CFAP161: variants seen among roughly 807,000 people sequenced by gnomAD.
CFAP161 encodes cilia and flagella associated protein 161, also known as cilia- and flagella-associated protein 161.
In CFAP161, 25 loss-of-function variants were observed where a neutral mutation model predicts 29.0. The observed-to-expected ratio is 0.86, with a 90% CI of 0.63 to 1.20. The LOEUF is 1.20. CFAP161 is among the 50% of genes most tolerant of loss of function. The pLI is 0.00. For missense variants in CFAP161, 367 were observed against 371.9 expected (o/e 0.99, Z 0.11); for synonymous variants, 116 against 137.4 (o/e 0.84, Z 1.09).
chr15:81,148,316 A>G, intron 6 of CFAP161, 22 bp from the exon 7 acceptor site: 1 of 1,593,954 alleles, frequency 6.3e-7, no homozygotes, highest in Non-Finnish European at 8.6e-7. Context: ...TTCAAACCAC[A>G]ACTGATTCTC....
At chr15:81,146,972 T>G (rs1402130504) in intron 5 of CFAP161, among the ~76,000 whole-genome samples, 1 of 149,542 alleles carries the variant, frequency 6.7e-6, no homozygotes, top group African/African-American at 2.4e-5. Context: ...TGTGGAATGT[T>G]ACCCTGACAA....
chr15:81,142,251 C>T (rs989617208), intron 4 of CFAP161, among the ~76,000 whole-genome samples: 77 of 151,938 alleles, frequency 5.1e-4, no homozygotes, highest in African/African-American at 1.8e-3. Flanking sequence ...AGACAGGGTG[C>T]TGCCAGGTTG....
At chr15:81,145,072 C>T (rs1567160697) in intron 5 of CFAP161, among the ~76,000 whole-genome samples, 1 of 152,102 alleles carries the variant, frequency 6.6e-6, no homozygotes, top group Non-Finnish European at 1.5e-5. Flanking sequence ...TGTTGGTAGC[C>T]ACTGCGTTGA....
intron 1 of CFAP161, among the ~76,000 whole-genome samples, chr15:81,110,980 C>T (rs780901490): frequency 6.6e-6 from 1 of 152,200 alleles, no homozygotes; most frequent in Non-Finnish European, 1.5e-5. Context: ...AGACATCACT[C>T]TATGTTCTTT....
intron 1 of CFAP161, among the ~76,000 whole-genome samples, chr15:81,122,467 A>C (rs1399092801): frequency 6.7e-6 from 1 of 149,616 alleles, no homozygotes; most frequent in African/African-American, 2.5e-5. Context: ...ATGATCAGTG[A>C]TGTTGATTTT....
At chr15:81,130,698 T>TCAAAAA (rs758005225), upstream of CFAP161, among the ~76,000 whole-genome samples, 60 of 152,268 alleles carry the variant, frequency 3.9e-4, no homozygotes, top group African/African-American at 1.3e-3. Flanking sequence ...AGACTCCATC[T>TCAAAAA]CAAAAACAAA....
Position 81,136,556 on chromosome 15 carries a change from G to C in CFAP161, c.200G>C (p.Gly67Ala). Residue 67 changes from glycine (G) to alanine (A), a missense_variant, in exon 3 of 7, where the codon GGT becomes GCT. Transcript: ENST00000286732. ...SVTEDGYIHY[G>A]DKVMLVNPDD... is the part of the protein sequence containing the mutation. ...ACTGAAGATGGCTATATTCATTACG[G>C]TGACAAAGTGATGCTTGTGAATCCT... 6.2e-7 allele frequency: 1 copy of C among 1,614,196 alleles called. No individual in the cohort carries two copies. Among genetic ancestry groups the C allele is most frequent in the East Asian group, 2.2e-5 (1 of 44,888 alleles).
At chr15:81,146,831 A>AATAT (rs3086710) in intron 5 of CFAP161, among the ~76,000 whole-genome samples, 1,332 of 69,890 alleles carry the variant, frequency 0.019, 51 homozygotes, top group Non-Finnish European at 0.033. Flanking sequence ...GATAGCTACA[A>AATAT]ATATATATAT....
At chr15:81,139,509 T>C in intron 4 of CFAP161, among the ~76,000 whole-genome samples, 1 of 152,286 alleles carries the variant, frequency 6.6e-6, no homozygotes, top group African/African-American at 2.4e-5. Context: ...TAGATAAATA[T>C]ACAGATAGGT....
chr15:81,119,129 T>TA (rs1367060396), intron 1 of CFAP161, among the ~76,000 whole-genome samples: 1 of 152,204 alleles, frequency 6.6e-6, no homozygotes. Flanking sequence ...TATCTGTTGT[T>TA]AGAGTGTTTT....
intron 5 of CFAP161, among the ~76,000 whole-genome samples, chr15:81,146,834 A>G (rs1302495570): frequency 8.0e-5 from 1 of 12,488 alleles, no homozygotes; most frequent in Non-Finnish European, 1.2e-4. Context: ...AGCTACAAAT[A>G]TATATATATA....
chr15:81,111,987 C>A (rs755254190), intron 1 of CFAP161, among the ~76,000 whole-genome samples: 3 of 152,190 alleles, frequency 2.0e-5, no homozygotes, highest in Admixed American at 6.5e-5. Flanking sequence ...GATCTGCAAT[C>A]AAGAAACCTA....
In CFAP161 at chr15:81,105,092, C is replaced by CCCTT. The variant is rs1555448579; in HGVS notation, c.-141-22495_-141-22494insTCCT. Among the ~76,000 whole-genome samples, 13 of 53,526 alleles carry CCCTT rather than the reference C, an allele frequency of 2.4e-4. No individual in the cohort carries two copies. The East Asian group carries it at 7.1e-3, about 29-fold the overall frequency. The allele number at this position is 53,526 out of a possible 152,430, so 35.1% of individuals were successfully genotyped here. ...CAATTTTTTGTCTTTCTTTTCTTTT[C>CCCTT]CCTCCCTCCCTCCCTTCCTTTCTCC... On this transcript the variant is annotated intron_variant, in intron 1 of 4. Coordinates refer to the CFAP161 transcript ENST00000560091.
At chr15:81,123,548 A>T (rs1336950424) in intron 1 of CFAP161, among the ~76,000 whole-genome samples, 3 of 152,162 alleles carry the variant, frequency 2.0e-5, no homozygotes, top group African/African-American at 7.2e-5. Flanking sequence ...TATGAATTTT[A>T]AAATAGTTTT....
intron 5 of CFAP161, among the ~76,000 whole-genome samples, chr15:81,147,363 T>G (rs1278794133): frequency 6.6e-6 from 1 of 152,154 alleles, no homozygotes; most frequent in African/African-American, 2.4e-5. Context: ...GGACCACCGA[T>G]TTTTCCTGTT....
intron 2 of CFAP161, 72 bp downstream of exon 2, chr15:81,135,431 T>G: frequency 1.0e-6 from 1 of 957,214 alleles, no homozygotes; most frequent in Non-Finnish European, 1.6e-6. Flanking sequence ...TTGTTACATA[T>G]GTATACATAT....
chr15:81,147,632 CAG>C (rs1024706626), intron 5 of CFAP161, among the ~76,000 whole-genome samples: 1 of 152,098 alleles, frequency 6.6e-6, no homozygotes, highest in Non-Finnish European at 1.5e-5. Flanking sequence ...CATCTAAACA[CAG>C]AAAAGGTACA....
intron 1 of CFAP161, among the ~76,000 whole-genome samples, chr15:81,105,150 TCCC>T (rs1178144719): frequency 9.6e-5 from 2 of 20,778 alleles, no homozygotes; most frequent in Admixed American, 4.4e-4. Context: ...CCTCCCTCCC[TCCC>T]TCCCTCCCTT....
upstream of CFAP161, among the ~76,000 whole-genome samples, chr15:81,132,245 C>G (rs1316298263): frequency 6.6e-6 from 1 of 152,078 alleles, no homozygotes; most frequent in African/African-American, 2.4e-5. Flanking sequence ...CTGCTGTACT[C>G]CAGCCAGGTT....
Sources: gnomAD v4.1 joint callset for allele counts (sites outside exome capture counted in the v4.1 genomes callset) on GRCh38, gnomAD v4.1.1 for gene constraint, MANE v1.5 for transcripts, NCBI Gene and HGNC (gene_info 2026-07-23, HGNC 2026-07-21) for gene names.